IPO5: variants seen among roughly 807,000 people sequenced by gnomAD.
IPO5 encodes the protein importin-5.
Under a neutral mutation model 143.3 loss-of-function variants are expected in IPO5, and 18 were observed. The observed-to-expected ratio is 0.13, with a 90% CI of 0.09 to 0.19. The LOEUF is 0.19. IPO5 is among the 10% of genes least tolerant of loss of function. The probability of loss-of-function intolerance (pLI) is 1.00; values close to 1 mark genes in which losing one functional copy is unlikely to be tolerated. For missense variants in IPO5, 1,013 were observed against 1,336.9 expected (o/e 0.76, Z 3.78); for synonymous variants, 477 against 465.7 (o/e 1.02, Z -0.31).
chr13:97,965,210 G>T (rs1189390448), intron 2 of IPO5, among the ~76,000 whole-genome samples: 1 of 152,142 alleles, frequency 6.6e-6, no homozygotes, highest in Non-Finnish European at 1.5e-5. Context: ...GACAAGGGAA[G>T]GGAGAGCATT....
chr13:97,995,179 G>GTTTTTT (rs200248504), intron 11 of IPO5, among the ~76,000 whole-genome samples: 1 of 131,754 alleles, frequency 7.6e-6, no homozygotes, highest in African/African-American at 2.8e-5. Context: ...TTCTTTCTTT[G>GTTTTTT]TTTTTTTTTT....
intron 4 of IPO5, chr13:97,977,009 G>A: frequency 1.5e-5 from 3 of 205,690 alleles, no homozygotes; most frequent in Admixed American, 4.9e-5. Context: ...TTACCTCCCC[G>A]CCGCCGCTCG....
chr13:97,983,480 A>AT (rs199972339), intron 5 of IPO5, among the ~76,000 whole-genome samples: 2,757 of 149,104 alleles, frequency 0.018, 83 homozygotes, highest in African/African-American at 0.064. Context: ...AAACAAGGCT[A>AT]TTTCCTAGGA....
intron 13 of IPO5, 103 bp from the exon 14 acceptor site, chr13:98,002,362 GTT>G (rs1888876565): frequency 2.6e-6 from 3 of 1,146,720 alleles, no homozygotes; most frequent in Non-Finnish European, 3.7e-6. Context: ...TTTCAAAAAA[GTT>G]TTGTTACTCT....
At chr13:97,985,811 C>T (rs1321125548) in intron 6 of IPO5, among the ~76,000 whole-genome samples, 198 bp downstream of exon 6, 1 of 152,058 alleles carries the variant, frequency 6.6e-6, no homozygotes, top group Non-Finnish European at 1.5e-5. Flanking sequence ...TCATAGGACT[C>T]ACCTATTGGT....
At chr13:97,958,961 CAG>C (rs1884659515) in intron 2 of IPO5, among the ~76,000 whole-genome samples, 1 of 151,822 alleles carries the variant, frequency 6.6e-6, no homozygotes, top group African/African-American at 2.4e-5. Context: ...CACCTGAGGT[CAG>C]GAGTTCAAGA....
At chr13:98,005,365 TTTTATTTATTTATTTA>T (rs57168569) in intron 16 of IPO5, among the ~76,000 whole-genome samples, 11,909 of 142,124 alleles carry the variant, frequency 0.084, 807 homozygotes, top group East Asian at 0.34. Context: ...CCTGGCTAAT[TTTTATTTATTTATTTA>T]TTTATTTATT....
intron 6 of IPO5, chr13:97,987,292 G>T (rs1887448561): frequency 1.3e-5 from 2 of 150,764 alleles, no homozygotes; most frequent in African/African-American, 2.4e-5. Flanking sequence ...AAGTGTGGTT[G>T]TAAGCGCAGC....
chr13:97,953,955 G>A (rs761641030), intron 1 of IPO5, 164 bp from the exon 2 acceptor site: 1 of 455,240 alleles, frequency 2.2e-6, no homozygotes, highest in Non-Finnish European at 4.4e-6. Context: ...TTTCATGATG[G>A]CTCATTGTTC....
At chr13:97,972,439 T>A (rs997236568) in intron 3 of IPO5, among the ~76,000 whole-genome samples, 1 of 152,180 alleles carries the variant, frequency 6.6e-6, no homozygotes, top group African/African-American at 2.4e-5. Context: ...TACAAATAGG[T>A]CATGCCCAGG....
At position 97,976,682 on chromosome 13, in the gene IPO5, C is replaced by G; in HGVS notation, c.-4-11C>G. The G allele has an allele frequency of 1.5e-6, 2 of 1,329,098 alleles. No homozygotes were observed. The highest frequency in any genetic ancestry group is 2.0e-6 in the Non-Finnish European group (2 of 1,004,748). 82.3% of individuals were successfully genotyped at this position (1,329,098 alleles called of 1,614,324 possible). On this transcript the variant is annotated splice_polypyrimidine_tract_variant and intron_variant, in intron 3 of 28. Transcript: ENST00000651721. ...TCCTGTCTCCCCTCCCTCCTTCTCT[C>G]TCACGCCTAGCGCAATGGCGGCGGC...
chr13:97,988,706 T>C, intron 6 of IPO5, among the ~76,000 whole-genome samples: 1 of 152,186 alleles, frequency 6.6e-6, no homozygotes. Context: ...GAGAATTGCT[T>C]GAACCCTGGA....
chr13:97,979,154 TAA>T (rs1886634717), intron 4 of IPO5, among the ~76,000 whole-genome samples: 1 of 152,140 alleles, frequency 6.6e-6, no homozygotes, highest in Non-Finnish European at 1.5e-5. Context: ...AAATTAGCAT[TAA>T]GTCTGATACA....
At chr13:97,977,462 C>T (rs888477754) in intron 4 of IPO5, among the ~76,000 whole-genome samples, 4 of 152,194 alleles carry the variant, frequency 2.6e-5, no homozygotes, top group African/African-American at 7.2e-5. Flanking sequence ...AATACACTTA[C>T]TCTGCTCTTC....
rs561184505 is a variant in IPO5 at position 97,953,984 on chromosome 13, G to A, written c.-192-135G>A. The A allele has an allele frequency of 4.4e-4, 199 of 448,688 alleles. 2 individuals are homozygous for A. The highest frequency in any genetic ancestry group is 2.5e-3 in the South Asian group (154 of 62,654). The allele number at this position is 448,688 out of a possible 1,614,324, so 27.8% of individuals were successfully genotyped here. A position where few individuals can be genotyped will look rare whatever the true frequency, so the allele number is the denominator to read the frequency against. On this transcript the variant is annotated intron_variant, in intron 1 of 28. Coordinates refer to ENST00000651721, the MANE Select transcript of IPO5 (RefSeq NM_002271.6). ...ATTGTTCTTTGGTATTGTGCCTTAC[G>A]TGAGCTGGGGACTAACTCTGTATCC...
rs964455736 is a variant in IPO5, at chr13:98,023,679, T to C, written c.*1857T>C. 1 of 152,184 alleles carries C rather than the reference T, an allele frequency of 6.6e-6. No homozygotes were observed. The highest frequency in any genetic ancestry group is 2.4e-5 in the African/African-American group (1 of 41,438). 9.4% of individuals were successfully genotyped at this position (152,184 alleles called of 1,614,324 possible). A position where few individuals can be genotyped will look rare whatever the true frequency, so the allele number is the denominator to read the frequency against. ...TAGTGGTATTGTCAGATGCCGTTAG[T>C]ATCTGAGATGTACTTACAGCAGGGT... is the stretch of plus-strand genomic sequence containing the variant. On this transcript the variant is annotated 3_prime_UTR_variant, in exon 29 of 29. Transcript: ENST00000651721.
intron 11 of IPO5, among the ~76,000 whole-genome samples, chr13:97,996,806 ATGGTCTC>A (rs1315602350): frequency 6.6e-6 from 1 of 151,840 alleles, no homozygotes; most frequent in Non-Finnish European, 1.5e-5. Context: ...GTTAGCCAGG[ATGGTCTC>A]GATCTTCTGA....
intron 7 of IPO5, among the ~76,000 whole-genome samples, chr13:97,989,689 A>G (rs1234731734): frequency 6.6e-6 from 1 of 152,242 alleles, no homozygotes; most frequent in East Asian, 1.9e-4. Flanking sequence ...GCTCAAGATC[A>G]TACACATTTT....
chr13:98,006,699 C>T (rs989968387), intron 17 of IPO5, among the ~76,000 whole-genome samples: 2 of 151,936 alleles, frequency 1.3e-5, no homozygotes, highest in South Asian at 2.1e-4. Flanking sequence ...GTTAAATTTA[C>T]TGTACCTAAC....
Sources: allele counts gnomAD v4.1 joint callset (sites outside exome capture counted in the v4.1 genomes callset), GRCh38; gene constraint gnomAD v4.1.1; transcripts MANE v1.5; gene names NCBI Gene and HGNC (gene_info 2026-07-23, HGNC 2026-07-21).